FNBP1L: variants seen among roughly 807,000 people sequenced by gnomAD.
The protein encoded by FNBP1L is formin binding protein 1 like.
A neutral mutation model predicts 91.2 loss-of-function variants in FNBP1L; 36 were observed. The observed-to-expected ratio is 0.39, with a 90% CI of 0.30 to 0.52. The LOEUF (loss-of-function observed/expected upper bound fraction) is 0.52. Among genes scored for constraint, FNBP1L ranks in the 20% least tolerant of loss-of-function variants. The pLI is 0.66. For missense variants in FNBP1L, 571 were observed against 732.1 expected, an observed-to-expected ratio of 0.78 and a Z score of 2.54; for synonymous variants, 242 against 237.0, an observed-to-expected ratio of 1.02 and a Z score of -0.19.
chr1:93,495,669 T>C (rs1345661788), intron 1 of FNBP1L, among the ~76,000 whole-genome samples: 1 of 152,192 alleles, frequency 6.6e-6, no homozygotes, highest in Non-Finnish European at 1.5e-5. Flanking sequence ...TTTCTTTAAC[T>C]AGTATGCTTA....
intron 1 of FNBP1L, among the ~76,000 whole-genome samples, chr1:93,459,941 ATG>A (rs34705153): frequency 0.023 from 3,337 of 142,240 alleles, 69 homozygotes; most frequent in Middle Eastern, 0.029. Context: ...TGGATTTCAG[ATG>A]TGTGTGTGTG....
chr1:93,482,138 G>A (rs1030000048), intron 1 of FNBP1L, among the ~76,000 whole-genome samples: 1 of 151,914 alleles, frequency 6.6e-6, no homozygotes, highest in Non-Finnish European at 1.5e-5. Flanking sequence ...CTCCAGCCTG[G>A]GCAACACAGT....
intron 1 of FNBP1L, among the ~76,000 whole-genome samples, chr1:93,449,526 A>C (rs1228247988): frequency 1.3e-5 from 2 of 152,042 alleles, no homozygotes; most frequent in Admixed American, 6.5e-5. Flanking sequence ...ATGTTTTCTT[A>C]TTTTTCACGT....
chr1:93,501,232 A>G (rs987143564), intron 2 of FNBP1L, among the ~76,000 whole-genome samples: 50 of 152,322 alleles, frequency 3.3e-4, no homozygotes, highest in African/African-American at 1.1e-3. Context: ...ACAATAAAGG[A>G]AAAGGTTTAA....
intron 5 of FNBP1L, 132 bp from the exon 6 acceptor site, chr1:93,529,520 C>T (rs1414885712): frequency 9.5e-6 from 5 of 525,348 alleles, no homozygotes; most frequent in Non-Finnish European, 1.7e-5. Flanking sequence ...ATACATGTTC[C>T]ATGGTGGTTT....
chr1:93,493,330 A>T (rs1029769829), intron 1 of FNBP1L, among the ~76,000 whole-genome samples: 2 of 152,192 alleles, frequency 1.3e-5, no homozygotes, highest in African/African-American at 2.4e-5. Flanking sequence ...ACCACAGGAA[A>T]TTTATTTTTG....
intron 5 of FNBP1L, among the ~76,000 whole-genome samples, chr1:93,527,362 G>A (rs111241440): frequency 6.6e-4 from 100 of 152,246 alleles, no homozygotes; most frequent in African/African-American, 2.1e-3. Context: ...TGGAAAAATG[G>A]GGACAGGGTG....
intron 1 of FNBP1L, among the ~76,000 whole-genome samples, chr1:93,494,808 C>A (rs928359363): frequency 2.6e-5 from 4 of 152,118 alleles, no homozygotes; most frequent in Admixed American, 6.5e-5. Flanking sequence ...GCTGAGGAGG[C>A]CTCACAATCA....
intron 9 of FNBP1L, among the ~76,000 whole-genome samples, chr1:93,535,729 A>G (rs192950120): frequency 1.3e-5 from 2 of 152,100 alleles, no homozygotes; most frequent in East Asian, 1.9e-4. Flanking sequence ...GCTTTTAATC[A>G]TATTGTCCAG....
At chr1:93,503,700 A>G (rs1168285247) in intron 2 of FNBP1L, among the ~76,000 whole-genome samples, 1 of 152,218 alleles carries the variant, frequency 6.6e-6, no homozygotes, top group Non-Finnish European at 1.5e-5. Flanking sequence ...TTGATGGAAA[A>G]TGGTTACTTC....
At chr1:93,470,886 A>G (rs1669261917) in intron 1 of FNBP1L, among the ~76,000 whole-genome samples, 1 of 151,804 alleles carries the variant, frequency 6.6e-6, no homozygotes, top group Non-Finnish European at 1.5e-5. Context: ...AAAAAAAAAA[A>G]AAAGTCCAGG....
chr1:93,494,201 A>G (rs540328951), intron 1 of FNBP1L, among the ~76,000 whole-genome samples: 6 of 152,146 alleles, frequency 3.9e-5, no homozygotes, highest in Non-Finnish European at 8.8e-5. Flanking sequence ...TTCATTTACT[A>G]TTACTGGTTT....
intron 1 of FNBP1L, among the ~76,000 whole-genome samples, chr1:93,456,808 A>C (rs1345988270): frequency 6.6e-6 from 1 of 151,092 alleles, no homozygotes; most frequent in African/African-American, 2.4e-5. Flanking sequence ...CTTTTGGGGG[A>C]GTATTTACAG....
intron 1 of FNBP1L, among the ~76,000 whole-genome samples, chr1:93,459,820 A>G (rs1668799957): frequency 6.6e-6 from 1 of 152,136 alleles, no homozygotes; most frequent in Admixed American, 6.5e-5. Flanking sequence ...GATTGCTATG[A>G]TTTGAATGTT....
chr1:93,512,797 C>G (rs1337362905), intron 2 of FNBP1L, among the ~76,000 whole-genome samples: 18 of 151,782 alleles, frequency 1.2e-4, no homozygotes, highest in Admixed American at 6.6e-5. Context: ...ATTTATAGCA[C>G]TAAATGCCCA....
At chr1:93,542,776 CTTTTTTTTTTTTT>C in intron 11 of FNBP1L, among the ~76,000 whole-genome samples, 1 of 125,590 alleles carries the variant, frequency 8.0e-6, no homozygotes, top group African/African-American at 3.1e-5. Context: ...TTTTCTTTAC[CTTTTTTTTTTTTT>C]TTTTTTTTTA....
intron 1 of FNBP1L, among the ~76,000 whole-genome samples, chr1:93,484,394 TA>T (rs1483912526): frequency 1.3e-5 from 2 of 152,012 alleles, no homozygotes; most frequent in African/African-American, 2.4e-5. Flanking sequence ...CAGACTAGAG[TA>T]AAATGGAAAG....
At chr1:93,541,747 C>T (rs931818302) in intron 11 of FNBP1L, among the ~76,000 whole-genome samples, 8 of 152,240 alleles carry the variant, frequency 5.3e-5, no homozygotes, top group African/African-American at 1.9e-4. Context: ...TGGAATCAGC[C>T]TTTTATAAAT....
At chr1:93,489,752 T>C (rs566389811) in intron 1 of FNBP1L, among the ~76,000 whole-genome samples, 107 of 152,324 alleles carry the variant, frequency 7.0e-4, no homozygotes, top group African/African-American at 2.3e-3. Flanking sequence ...TTTTTAAAAA[T>C]TCTACAATAT....
Sources: gnomAD v4.1 joint callset for allele counts (sites outside exome capture counted in the v4.1 genomes callset) on GRCh38, gnomAD v4.1.1 for gene constraint, MANE v1.5 for transcripts, NCBI Gene and HGNC (gene_info 2026-07-23, HGNC 2026-07-21) for gene names.